The following DGKI variants were observed in gnomAD, a reference collection of about 807,000 sequenced individuals.
The protein encoded by DGKI is DAG kinase iota.
Under a neutral mutation model 147.5 loss-of-function variants are expected in DGKI, and 55 were observed. The ratio of observed to expected loss-of-function variants is 0.37; its 90% CI spans 0.30 to 0.47. DGKI has a LOEUF of 0.47. Ranked by LOEUF, DGKI falls within the 20% of genes least tolerant of loss-of-function variation. DGKI has a pLI of 1.00. For synonymous variants in DGKI, 469 were observed against 477.1 expected (o/e 0.98, Z 0.22); for missense variants, 1,007 against 1,323.8 (o/e 0.76, Z 3.71).
At chr7:137,767,086 T>TG (rs1796035586) in intron 1 of DGKI, among the ~76,000 whole-genome samples, 1 of 151,990 alleles carries the variant, frequency 6.6e-6, no homozygotes, top group South Asian at 2.1e-4. Context: ...TGTGACCTGA[T>TG]GGGGGGGCCA....
intron 21 of DGKI, among the ~76,000 whole-genome samples, chr7:137,516,871 A>G (rs1048255812): frequency 6.6e-5 from 10 of 152,066 alleles, no homozygotes; most frequent in African/African-American, 1.9e-4. Context: ...ACCTCCTCTG[A>G]TCATTTTGAA....
intron 1 of DGKI, among the ~76,000 whole-genome samples, chr7:137,730,834 C>G (rs571170129): frequency 2.7e-4 from 41 of 152,150 alleles, no homozygotes; most frequent in African/African-American, 9.9e-4. Context: ...CACTTAAACT[C>G]TCTCCATGTC....
chr7:137,508,219 C>CTTTT (rs1171968411), intron 21 of DGKI, among the ~76,000 whole-genome samples: 20 of 92,528 alleles, frequency 2.2e-4, no homozygotes, highest in Non-Finnish European at 3.9e-4. Flanking sequence ...AGACAGGTTT[C>CTTTT]TTTTTTTTTT....
At position 137,700,577 on chromosome 7, in the gene DGKI, G is replaced by T. The variant is rs531871389; in HGVS notation, c.402-10575C>A. ...TCTCAGCTATATCTTTTAGTGCTAGGTAAAAAATAAAGTGCCATGGCAGAG... is the reference window on the plus strand; with the variant it reads ...TCTCAGCTATATCTTTTAGTGCTAGTTAAAAAATAAAGTGCCATGGCAGAG... On this transcript the variant is annotated intron_variant, in intron 1 of 32. Transcript: ENST00000614521. Among the ~76,000 whole-genome samples the T allele has an allele frequency of 1.2e-4, 19 of 152,196 alleles. No homozygotes were observed. The South Asian group carries it at 1.5e-3, about 12-fold the overall frequency.
chr7:137,526,200 A>G (rs536533655), intron 20 of DGKI, among the ~76,000 whole-genome samples: 2 of 152,230 alleles, frequency 1.3e-5, no homozygotes, highest in African/African-American at 4.8e-5. Context: ...TTAGTAGAGC[A>G]AAGAAGAGAC....
intron 1 of DGKI, among the ~76,000 whole-genome samples, chr7:137,700,821 T>A (rs1274071930): frequency 6.6e-6 from 1 of 151,772 alleles, no homozygotes; most frequent in Non-Finnish European, 1.5e-5. Context: ...GAAGTTGGAG[T>A]GAGCTGAGAT....
intron 8 of DGKI, among the ~76,000 whole-genome samples, chr7:137,613,076 C>T (rs573209462): frequency 1.8e-4 from 28 of 152,124 alleles, no homozygotes; most frequent in African/African-American, 6.0e-4. Flanking sequence ...GAAATAGTTA[C>T]GGGTAAATCA....
At chr7:137,426,259 A>G (rs1812799941) in intron 28 of DGKI, among the ~76,000 whole-genome samples, 1 of 152,220 alleles carries the variant, frequency 6.6e-6, no homozygotes. Flanking sequence ...ATTCTTAAAG[A>G]CAAGAATTTC....
intron 31 of DGKI, among the ~76,000 whole-genome samples, chr7:137,397,016 T>A (rs1226218533): frequency 1.3e-5 from 2 of 152,166 alleles, no homozygotes; most frequent in Non-Finnish European, 2.9e-5. Context: ...TAGGGCCCCA[T>A]TTTTTCAGAA....
In DGKI at chr7:137,619,842, A is replaced by T. The variant is rs1479410605; in HGVS notation, c.975T>A (p.Ile325=). Reference sequence around the variant, plus strand: ...CAGTTACCTGAGGTTTCTTCACCTTAATGATCCAAGTGGGCGGGACAATAA... The same window carrying T: ...CAGTTACCTGAGGTTTCTTCACCTTTATGATCCAAGTGGGCGGGACAATAA... The part of the protein sequence containing the change: ...AAVIVPPTWI[I]KVKKPQNSLK... The change falls in exon 8 of 33, where the codon ATT becomes ATA. Residue 325 remains isoleucine, a synonymous_variant. Transcript: ENST00000614521. The T allele has an allele frequency of 1.2e-6, 2 of 1,613,702 alleles. No homozygotes were observed. The highest frequency in any genetic ancestry group is 1.3e-5 in the African/African-American group (1 of 74,892).
chr7:137,688,035 AT>A (rs1305029632), intron 2 of DGKI, among the ~76,000 whole-genome samples: 1 of 152,212 alleles, frequency 6.6e-6, no homozygotes, highest in South Asian at 2.1e-4. Flanking sequence ...CTCTATAGGA[AT>A]CAGAAAATAA....
intron 1 of DGKI, among the ~76,000 whole-genome samples, chr7:137,782,247 G>A (rs965176806): frequency 3.3e-5 from 5 of 152,132 alleles, no homozygotes; most frequent in African/African-American, 7.2e-5. Context: ...CGGTGCTGTC[G>A]TGGGGGCATG....
At position 137,579,081 on chromosome 7, in the gene DGKI, C is replaced by T. The variant is rs531543779; in HGVS notation, c.1643-756G>A. Among the ~76,000 whole-genome samples, 212 of 152,176 alleles carry T rather than the reference C, an allele frequency of 1.4e-3. 2 individuals are homozygous for T. Among genetic ancestry groups the T allele is most frequent in the African/African-American group, 4.5e-3 (187 of 41,520 alleles). ...GCCTATTTTTATGTAGATGTATTGG[C>T]ATAATTCTCAACTTAAAAGTATTAC... On this transcript the variant is annotated intron_variant, in intron 15 of 32. Coordinates refer to ENST00000614521, the MANE Select transcript of DGKI (RefSeq NM_001321708.2).
At chr7:137,416,674 C>T (rs963305272) in intron 28 of DGKI, among the ~76,000 whole-genome samples, 1 of 152,172 alleles carries the variant, frequency 6.6e-6, no homozygotes, top group East Asian at 1.9e-4. Flanking sequence ...GCTTCCCCCC[C>T]TCTGGAAACA....
At chr7:137,642,100 T>C (rs1311561048) in intron 6 of DGKI, among the ~76,000 whole-genome samples, 2 of 152,182 alleles carry the variant, frequency 1.3e-5, no homozygotes, top group Admixed American at 6.5e-5. Flanking sequence ...CAGGTTTGCA[T>C]TAAACAATAT....
chr7:137,796,554 A>G (rs968019405), intron 1 of DGKI, among the ~76,000 whole-genome samples: 40 of 152,138 alleles, frequency 2.6e-4, no homozygotes, highest in Admixed American at 6.5e-5. Context: ...TTGCCTAGAG[A>G]GTTAAAGGAA....
chr7:137,686,770 A>G (rs1418526245), intron 2 of DGKI, among the ~76,000 whole-genome samples: 1 of 152,172 alleles, frequency 6.6e-6, no homozygotes, highest in Non-Finnish European at 1.5e-5. Flanking sequence ...TATCTCAGGC[A>G]CCCCACAAAC....
intron 19 of DGKI, among the ~76,000 whole-genome samples, chr7:137,560,603 A>C (rs1818388193): frequency 6.6e-6 from 1 of 152,216 alleles, no homozygotes; most frequent in Non-Finnish European, 1.5e-5. Context: ...AGGTGTAAGT[A>C]AACTAAGGTT....
At chr7:137,766,322 AT>A (rs1449040424) in intron 1 of DGKI, among the ~76,000 whole-genome samples, 4 of 152,342 alleles carry the variant, frequency 2.6e-5, no homozygotes, top group Non-Finnish European at 4.4e-5. Context: ...TGTCAACGTG[AT>A]GTTCATCTCT....
Sources: gnomAD v4.1 joint callset for allele counts (sites outside exome capture counted in the v4.1 genomes callset) on GRCh38, gnomAD v4.1.1 for gene constraint, MANE v1.5 for transcripts, NCBI Gene and HGNC (gene_info 2026-07-23, HGNC 2026-07-21) for gene names.